SPIDR: variants seen among roughly 807,000 people sequenced by gnomAD.
SPIDR encodes the protein DNA repair-scaffolding protein.
Under a neutral mutation model 104.6 loss-of-function variants are expected in SPIDR, and 93 were observed. The observed-to-expected ratio is 0.89, with a 90% confidence interval of 0.75 to 1.06. The LOEUF (loss-of-function observed/expected upper bound fraction) is 1.06, where lower values mean the gene tolerates loss of function less well. SPIDR is among the 50% of genes least tolerant of loss of function. The pLI, the probability that SPIDR is intolerant of heterozygous loss-of-function variation, is 0.00. For missense variants in SPIDR, 1,154 were observed against 1,111.2 expected, an observed-to-expected ratio of 1.04 and a Z score of -0.55; for synonymous variants, 431 against 416.9, an observed-to-expected ratio of 1.03 and a Z score of -0.41.
At chr8:47,690,388 G>A (rs1026515587) in intron 11 of SPIDR, among the ~76,000 whole-genome samples, 2 of 151,528 alleles carry the variant, frequency 1.3e-5, no homozygotes, top group Non-Finnish European at 2.9e-5. Context: ...TATACTACTT[G>A]ATAATTTTAT....
chr8:47,305,711 TAGTG>T (rs1285733369), intron 5 of SPIDR, among the ~76,000 whole-genome samples: 2 of 152,336 alleles, frequency 1.3e-5, no homozygotes, highest in African/African-American at 4.8e-5. Context: ...TCGGTTTTAA[TAGTG>T]AGTTAGAATA....
At chr8:47,444,399 C>T (rs1183179543) in intron 8 of SPIDR, among the ~76,000 whole-genome samples, 1 of 152,130 alleles carries the variant, frequency 6.6e-6, no homozygotes, top group Non-Finnish European at 1.5e-5. Flanking sequence ...TATTGGTATC[C>T]CCTGTGCCAG....
At chr8:47,718,245 T>C (rs947779721) in intron 16 of SPIDR, among the ~76,000 whole-genome samples, 22 of 152,208 alleles carry the variant, frequency 1.4e-4, no homozygotes, top group African/African-American at 5.1e-4. Context: ...CATACGGAGA[T>C]CAAACACACA....
At chr8:47,576,766 A>T (rs1328808012) in intron 8 of SPIDR, among the ~76,000 whole-genome samples, 3 of 152,242 alleles carry the variant, frequency 2.0e-5, no homozygotes, top group Admixed American at 1.3e-4. Context: ...AGTCTAATGG[A>T]TCAAATACCT....
At chr8:47,473,531 T>C (rs1554722144) in intron 8 of SPIDR, among the ~76,000 whole-genome samples, 1 of 152,206 alleles carries the variant, frequency 6.6e-6, no homozygotes, top group African/African-American at 2.4e-5. Context: ...GCTGCTTTCC[T>C]TTGTACCTTC....
chr8:47,658,452 AT>A (rs1380114222), intron 10 of SPIDR, among the ~76,000 whole-genome samples: 1 of 152,134 alleles, frequency 6.6e-6, no homozygotes, highest in Non-Finnish European at 1.5e-5. Context: ...TTCACCGGCA[AT>A]AAACAAATCA....
At chr8:47,385,720 C>T (rs1177658886) in intron 5 of SPIDR, among the ~76,000 whole-genome samples, 1 of 152,152 alleles carries the variant, frequency 6.6e-6, no homozygotes, top group Admixed American at 6.5e-5. Context: ...GGTTGGCTTC[C>T]CATTTCTTAT....
chr8:47,539,938 A>G (rs1233831325), intron 8 of SPIDR, among the ~76,000 whole-genome samples: 3 of 152,244 alleles, frequency 2.0e-5, no homozygotes, highest in South Asian at 2.1e-4. Context: ...TCCTAACCCA[A>G]CTTTTAAAGA....
intron 8 of SPIDR, among the ~76,000 whole-genome samples, chr8:47,520,916 C>G (rs887073831): frequency 1.3e-5 from 2 of 152,206 alleles, no homozygotes; most frequent in Admixed American, 6.5e-5. Context: ...GGCTCCAGAA[C>G]TGTGACCTTC....
chr8:47,424,309 T>G (rs1168341635), intron 7 of SPIDR, among the ~76,000 whole-genome samples: 2 of 152,156 alleles, frequency 1.3e-5, no homozygotes, highest in African/African-American at 4.8e-5. Flanking sequence ...GTTACAAATG[T>G]TCTTTTATTT....
intron 8 of SPIDR, among the ~76,000 whole-genome samples, chr8:47,450,409 T>C (rs2071487775): frequency 6.6e-6 from 1 of 152,126 alleles, no homozygotes; most frequent in Non-Finnish European, 1.5e-5. Flanking sequence ...TCATAATTTA[T>C]TAGGTCCCAC....
At chr8:47,529,909 A>G (rs747725128) in intron 8 of SPIDR, among the ~76,000 whole-genome samples, 14 of 152,188 alleles carry the variant, frequency 9.2e-5, no homozygotes, top group South Asian at 2.1e-4. Flanking sequence ...ATGCACATCA[A>G]ACTCAAGAGG....
intron 5 of SPIDR, among the ~76,000 whole-genome samples, chr8:47,303,029 G>T (rs2042450001): frequency 2.0e-5 from 3 of 152,326 alleles, no homozygotes; most frequent in African/African-American, 2.4e-5. Context: ...GTTTGGTTAT[G>T]CCCTGCCCCC....
chr8:47,296,276 A>G lies in SPIDR; in HGVS notation c.525+2246A>G, dbSNP rs1554572668. Among the ~76,000 whole-genome samples the G allele has an allele frequency of 2.2e-4, 34 of 152,260 alleles. No individual in the cohort carries two copies. The East Asian group carries it at 4.6e-3, about 21-fold the overall frequency. On this transcript the variant is annotated intron_variant, in intron 5 of 19. Transcript: ENST00000297423. ...GTGTATAATCTTTTCAGTTAGATGC[A>G]ATCTCATATGTTTTTGCTTTTGTTG... is the stretch of plus-strand genomic sequence containing the variant.
chr8:47,300,987 G>A (rs1554576973), intron 5 of SPIDR, among the ~76,000 whole-genome samples: 1 of 152,104 alleles, frequency 6.6e-6, no homozygotes, highest in Non-Finnish European at 1.5e-5. Flanking sequence ...GCTGAGTTCA[G>A]TGCCTGGATA....
intron 5 of SPIDR, among the ~76,000 whole-genome samples, chr8:47,321,477 C>G (rs1023366459): frequency 6.6e-6 from 1 of 152,208 alleles, no homozygotes; most frequent in Non-Finnish European, 1.5e-5. Context: ...ATTCCATGCT[C>G]ATGGACAGGA....
chr8:47,716,235 C>T (rs913610549), intron 16 of SPIDR, among the ~76,000 whole-genome samples: 5 of 152,172 alleles, frequency 3.3e-5, no homozygotes, highest in Admixed American at 3.3e-4. Context: ...TCTGGAATTA[C>T]AGGTGTGAAC....
At chr8:47,388,840 G>A (rs17612038) in intron 5 of SPIDR, among the ~76,000 whole-genome samples, 4,403 of 152,322 alleles carry the variant, frequency 0.029, 87 homozygotes, top group South Asian at 0.046. Context: ...TTTGGAAACG[G>A]AGCCAGTATT....
intron 7 of SPIDR, among the ~76,000 whole-genome samples, chr8:47,428,187 G>A (rs1220181278): frequency 1.3e-5 from 2 of 152,228 alleles, no homozygotes; most frequent in Non-Finnish European, 2.9e-5. Context: ...GCCTCCCAAA[G>A]TGCTGGGATT....
Sources: gnomAD v4.1 joint callset for allele counts (sites outside exome capture counted in the v4.1 genomes callset) on GRCh38, gnomAD v4.1.1 for gene constraint, MANE v1.5 for transcripts, NCBI Gene and HGNC (gene_info 2026-07-23, HGNC 2026-07-21) for gene names.